The following PARD3 variants were observed in gnomAD, a reference collection of about 807,000 sequenced individuals.
The protein encoded by PARD3 is par-3 family cell polarity regulator.
In PARD3, 75 loss-of-function variants were observed where a neutral mutation model predicts 155.4. The ratio of observed to expected loss-of-function variants is 0.48; its 90% confidence interval spans 0.40 to 0.58. The LOEUF (loss-of-function observed/expected upper bound fraction) is 0.58. PARD3 is among the 20% of genes least tolerant of loss of function. The probability of loss-of-function intolerance (pLI) is 0.00; values close to 1 mark genes in which losing one functional copy is unlikely to be tolerated. For synonymous variants in PARD3, 576 were observed against 610.5 expected, an observed-to-expected ratio of 0.94 and a Z score of 0.83; for missense variants, 1,642 against 1,721.7, an observed-to-expected ratio of 0.95 and a Z score of 0.82.
intron 22 of PARD3, among the ~76,000 whole-genome samples, chr10:34,183,856 C>T (rs555249995): frequency 6.6e-6 from 1 of 152,200 alleles, no homozygotes; most frequent in African/African-American, 2.4e-5. Context: ...CACGTATGTA[C>T]GTGTCGTTAA....
chr10:34,184,363 C>T (rs933433659), intron 22 of PARD3, among the ~76,000 whole-genome samples: 15 of 152,242 alleles, frequency 9.9e-5, no homozygotes, highest in African/African-American at 2.9e-4. Flanking sequence ...CTCCCAAGCT[C>T]GCAGTGTTCT....
At position 34,696,325 on chromosome 10, in the gene PARD3, T is replaced by G; in HGVS notation, c.215A>C (p.Lys72Thr). 1 of 1,604,114 alleles carries G rather than the reference T, an allele frequency of 6.2e-7. No homozygotes were observed. The highest frequency in any genetic ancestry group is 8.5e-7 in the Non-Finnish European group (1 of 1,171,014). ...CCCAGGACCTGAACTCACTCTGTCT[T>G]TATCGTCTGCTACATCACAAAGAAT... ...DDILCDVADD[K>T]DRLVAVFDEQ... The change falls in exon 2 of 25, where the codon AAA becomes ACA. Residue 72 changes from lysine to threonine, a missense_variant. By Grantham distance (78) the Lys-to-Thr change is moderately conservative. This residue lies in a region of PARD3 where 38 missense variants were observed against 69.1 expected (regional missense o/e 0.55). Transcript: ENST00000374788.
intron 2 of PARD3, among the ~76,000 whole-genome samples, chr10:34,531,569 C>T (rs546708695): frequency 6.8e-4 from 104 of 152,272 alleles, no homozygotes; most frequent in Non-Finnish European, 1.3e-3. Flanking sequence ...AGGTATTTCA[C>T]AAAAGTACAA....
chr10:34,303,614 G>A (rs1468180849), intron 20 of PARD3, among the ~76,000 whole-genome samples: 5 of 150,116 alleles, frequency 3.3e-5, no homozygotes, highest in East Asian at 1.9e-4. Context: ...GCAGGAATTC[G>A]ATAAGATGTT....
At chr10:34,398,070 C>T (rs1326630377) in intron 7 of PARD3, among the ~76,000 whole-genome samples, 2 of 151,880 alleles carry the variant, frequency 1.3e-5, no homozygotes, top group African/African-American at 4.8e-5. Flanking sequence ...TAAAAGCAGC[C>T]ACAACTCTAT....
At chr10:34,585,266 T>A (rs2087903407) in intron 2 of PARD3, among the ~76,000 whole-genome samples, 1 of 152,196 alleles carries the variant, frequency 6.6e-6, no homozygotes, top group South Asian at 2.1e-4. Context: ...TTAACATCTA[T>A]AGCCTTTTTA....
intron 2 of PARD3, among the ~76,000 whole-genome samples, chr10:34,569,190 T>G (rs1254215556): frequency 1.3e-5 from 2 of 152,084 alleles, no homozygotes; most frequent in Non-Finnish European, 2.9e-5. Context: ...TGCATTAAGG[T>G]TCAAACATCA....
chr10:34,519,837 T>TAACATAACATAACATAACATA lies in PARD3; in HGVS notation c.223-2699_223-2679dup, dbSNP rs2082022896. Reference sequence around the variant, plus strand: ...TCAAAATAAATAACATAACATAACATAACATAACATAACATAACATAACAT... The same window carrying TAACATAACATAACATAACATA: ...TCAAAATAAATAACATAACATAACATAACATAACATAACATAACATAAACATAACATAACATAACATAACAT... On this transcript the variant is annotated intron_variant, in intron 2 of 24. Transcript: ENST00000374788. Among the ~76,000 whole-genome samples the TAACATAACATAACATAACATA allele has an allele frequency of 4.7e-5, 7 of 149,596 alleles. No homozygotes were observed. The Admixed American group carries it at 4.7e-4, about 10-fold the overall frequency.
chr10:34,718,206 G>A (rs372902059), intron 1 of PARD3, among the ~76,000 whole-genome samples: 3 of 151,240 alleles, frequency 2.0e-5, no homozygotes, highest in African/African-American at 7.3e-5. Context: ...ATATGAAAAG[G>A]TCACTAACAA....
At position 34,770,346 on chromosome 10, in the gene PARD3, T is replaced by C. The variant is rs192689043; in HGVS notation, c.120+44530A>G. ...AAAACTATCACTTTTTGCCTGGTAT[T>C]CTAAGCATTCTTAAACGGAGATGAC... On this transcript the variant is annotated intron_variant, in intron 1 of 24. Transcript: ENST00000374788. Among the ~76,000 whole-genome samples, 58 of 152,322 alleles carry C rather than the reference T, an allele frequency of 3.8e-4. 2 individuals are homozygous for C. The highest frequency in any genetic ancestry group is 1.3e-3 in the African/African-American group (56 of 41,566).
intron 3 of PARD3, among the ~76,000 whole-genome samples, chr10:34,515,308 C>A (rs936150901): frequency 1.3e-5 from 2 of 152,318 alleles, no homozygotes; most frequent in African/African-American, 4.8e-5. Flanking sequence ...ATTATTTTCA[C>A]AAAATTAGTT....
intron 18 of PARD3, among the ~76,000 whole-genome samples, chr10:34,334,438 A>G (rs2134253976): frequency 6.6e-6 from 1 of 151,700 alleles, no homozygotes; most frequent in Admixed American, 6.6e-5. Flanking sequence ...GCTTATGGCT[A>G]GGCTAGACAG....
At chr10:34,571,853 C>G (rs964005239) in intron 2 of PARD3, among the ~76,000 whole-genome samples, 1 of 152,164 alleles carries the variant, frequency 6.6e-6, no homozygotes, top group African/African-American at 2.4e-5. Context: ...ACAAGGTTAG[C>G]TATCCAGATA....
chr10:34,365,930 A>G (rs577591077), intron 12 of PARD3, among the ~76,000 whole-genome samples: 1 of 152,374 alleles, frequency 6.6e-6, no homozygotes, highest in African/African-American at 2.4e-5. Context: ...GGCTAGGCTC[A>G]CAGACACAAA....
intron 5 of PARD3, among the ~76,000 whole-genome samples, chr10:34,426,274 T>C (rs929153190): frequency 9.9e-5 from 15 of 152,172 alleles, no homozygotes; most frequent in African/African-American, 3.6e-4. Context: ...AACACTGATA[T>C]TTAGCACAAA....
chr10:34,374,483 T>C (rs978396839), intron 11 of PARD3, among the ~76,000 whole-genome samples: 3 of 152,182 alleles, frequency 2.0e-5, no homozygotes, highest in Admixed American at 1.3e-4. Flanking sequence ...ACATGTACTA[T>C]GAAAATGTGA....
At chr10:34,486,064 C>T (rs905343532) in intron 3 of PARD3, among the ~76,000 whole-genome samples, 2 of 151,800 alleles carry the variant, frequency 1.3e-5, no homozygotes, top group African/African-American at 4.8e-5. Context: ...GCTGGGACTA[C>T]AGGTGCGTGC....
At chr10:34,457,254 C>A (rs1160668386) in intron 4 of PARD3, among the ~76,000 whole-genome samples, 3 of 152,148 alleles carry the variant, frequency 2.0e-5, no homozygotes, top group Non-Finnish European at 4.4e-5. Flanking sequence ...CTAAAACGGG[C>A]GCGGATTTCT....
intron 22 of PARD3, among the ~76,000 whole-genome samples, chr10:34,267,731 C>T (rs1429196855): frequency 6.6e-6 from 1 of 152,158 alleles, no homozygotes; most frequent in African/African-American, 2.4e-5. Flanking sequence ...GAAGTATTTC[C>T]CGTACATCTC....
Sources: gnomAD v4.1 joint callset for allele counts (sites outside exome capture counted in the v4.1 genomes callset) on GRCh38, gnomAD v4.1.1 for gene constraint, gnomAD v4.1.1 regional missense constraint, MANE v1.5 for transcripts, NCBI Gene and HGNC (gene_info 2026-07-23, HGNC 2026-07-21) for gene names.